The following THOP1 variants were observed in gnomAD, a reference collection of about 807,000 sequenced individuals.
The protein encoded by THOP1 is thimet oligopeptidase 1.
In THOP1, 49 loss-of-function variants were observed where a neutral mutation model predicts 71.8. The observed-to-expected ratio is 0.68, with a 90% CI of 0.54 to 0.87. The LOEUF is 0.87. Among genes scored for constraint, THOP1 ranks in the 40% least tolerant of loss-of-function variants. The pLI is 0.00. For missense variants in THOP1, 843 were observed against 975.6 expected, an observed-to-expected ratio of 0.86 and a Z score of 1.81; for synonymous variants, 426 against 421.5, an observed-to-expected ratio of 1.01 and a Z score of -0.13.
rs1916540390 is a variant in THOP1 at position 2,813,493 on chromosome 19, C to T, written c.*217C>T. ...GCATCTGGAGGGCTTTCGTGGCTGC[C>T]AGGGCCTGGTCTTTGTTGCACTAAC... On this transcript the variant is annotated 3_prime_UTR_variant, in exon 13 of 13. Coordinates refer to ENST00000307741, the MANE Select transcript of THOP1 (RefSeq NM_003249.5). The T allele has an allele frequency of 5.3e-6, 3 of 562,942 alleles. No individual in the cohort carries two copies. In the East Asian group the frequency reaches 8.6e-5, roughly 16 times the overall value. The allele number at this position is 562,942 out of a possible 1,614,324, so 34.9% of individuals were successfully genotyped here. A position where few individuals can be genotyped will look rare whatever the true frequency, so the allele number is the denominator to read the frequency against.
At chr19:2,797,450 G>A (rs1476333015) in intron 4 of THOP1, among the ~76,000 whole-genome samples, 3 of 152,336 alleles carry the variant, frequency 2.0e-5, no homozygotes, top group Admixed American at 6.5e-5. Flanking sequence ...TTCCGAGGCC[G>A]GCCACTTGGG....
chr19:2,787,874 A>G (rs1002345316), intron 1 of THOP1, among the ~76,000 whole-genome samples: 1 of 152,216 alleles, frequency 6.6e-6, no homozygotes, highest in Admixed American at 6.5e-5. Context: ...TCCGGCCCCA[A>G]TGGCCACAGT....
intron 12 of THOP1, chr19:2,811,995 T>C (rs1916488339): frequency 9.7e-6 from 10 of 1,028,432 alleles, no homozygotes; most frequent in Non-Finnish European, 1.4e-5. Flanking sequence ...CTTGGTGCGG[T>C]GCTGCCCACA....
chr19:2,792,604 A>G lies in THOP1; in HGVS notation c.229+1971A>G, dbSNP rs532086824. Reference sequence around the variant, plus strand: ...ATTTGAATTCAGGTCTTTCTGCTGCAAAGTATATGCTTTTTTTTAAAAAAA... The same window carrying G: ...ATTTGAATTCAGGTCTTTCTGCTGCGAAGTATATGCTTTTTTTTAAAAAAA... On this transcript the variant is annotated intron_variant, in intron 2 of 12. Transcript: ENST00000307741. Among the ~76,000 whole-genome samples the G allele has an allele frequency of 9.2e-5, 14 of 152,120 alleles. No homozygotes were observed. The South Asian group carries it at 2.7e-3, about 29-fold the overall frequency.
Position 2,807,843 on chromosome 19 carries a change from C to T in THOP1, c.1253+35C>T, listed in dbSNP as rs112809448. The T allele has an allele frequency of 1.4e-4, 195 of 1,425,680 alleles. No homozygotes were observed. In the East Asian group the frequency reaches 1.4e-3, roughly 10 times the overall value. The allele number at this position is 1,425,680 out of a possible 1,614,324, so 88.3% of individuals were successfully genotyped here. ...GGCAGCGGGGGCGGGGGGCGCACCC[C>T]GGCCCTGGGTCTCCTCGGAGCCCGG... On this transcript the variant is annotated intron_variant, in intron 8 of 12. Coordinates refer to ENST00000307741, the MANE Select transcript of THOP1 (RefSeq NM_003249.5).
At chr19:2,810,526 CGGG>C in intron 10 of THOP1, 36 bp downstream of exon 10, 3 of 1,532,536 alleles carry the variant, frequency 2.0e-6, no homozygotes, top group Non-Finnish European at 2.6e-6. Flanking sequence ...GTGCTAACCT[CGGG>C]GGGCGGCACA....
rs184584258 is a variant in THOP1 at position 2,809,957 on chromosome 19, C to T, written c.1456-347C>T. ...ACACGAGCAGGGAGATGCAGCATGC[C>T]TCACAGCGTCCCCACCCGGACCTGG... On this transcript the variant is annotated intron_variant, in intron 9 of 12. Coordinates refer to ENST00000307741, the MANE Select transcript of THOP1 (RefSeq NM_003249.5). 355 of 355,858 alleles carry T rather than the reference C, an allele frequency of 1.0e-3. 2 individuals carry two copies. The highest frequency in any genetic ancestry group is 5.1e-3 in the Admixed American group (115 of 22,664). 22.0% of individuals were successfully genotyped at this position (355,858 alleles called of 1,614,324 possible).
At chr19:2,800,507 A>G (rs75870766) in intron 5 of THOP1, among the ~76,000 whole-genome samples, 1,976 of 152,330 alleles carry the variant, frequency 0.013, 20 homozygotes, top group Middle Eastern at 0.027. Flanking sequence ...GATGGGTGCT[A>G]TAGAATATAA....
chr19:2,811,466 G>A (rs1599533878), intron 11 of THOP1, 132 bp from the exon 12 acceptor site: 11 of 1,256,206 alleles, frequency 8.8e-6, no homozygotes, highest in Non-Finnish European at 9.6e-6. Context: ...AGCTGGTCTC[G>A]GCCCTCACCG....
chr19:2,800,238 T>G (rs1916114965), intron 5 of THOP1, among the ~76,000 whole-genome samples: 1 of 152,202 alleles, frequency 6.6e-6, no homozygotes, highest in African/African-American at 2.4e-5. Flanking sequence ...CAGGCTGGAG[T>G]GCAGTGGTGC....
At chr19:2,790,373 C>T in intron 1 of THOP1, 48 bp from the exon 2 acceptor site, 1 of 1,479,862 alleles carries the variant, frequency 6.8e-7, no homozygotes, top group Admixed American at 2.4e-5. Context: ...TTGACCCTAA[C>T]TGAACCGAAA....
At position 2,813,384 on chromosome 19, in the gene THOP1, G is replaced by T. The variant is rs1391144648; in HGVS notation, c.*108G>T. Reference sequence around the variant, plus strand: ...CTGGCACAGTGCCTGGGACTGGCAGGGTGGCTGAGCGGCTGTCTTGCCTCT... The same window carrying T: ...CTGGCACAGTGCCTGGGACTGGCAGTGTGGCTGAGCGGCTGTCTTGCCTCT... On this transcript the variant is annotated 3_prime_UTR_variant, in exon 13 of 13. Transcript: ENST00000307741. The T allele has an allele frequency of 3.8e-6, 5 of 1,333,282 alleles. No homozygotes were observed. Among genetic ancestry groups the T allele is most frequent in the Admixed American group, 5.5e-5 (2 of 36,640 alleles). 82.6% of individuals were successfully genotyped at this position (1,333,282 alleles called of 1,614,324 possible).
chr19:2,790,645 G>C lies in THOP1; in HGVS notation c.229+12G>C, dbSNP rs773779835. The C allele has an allele frequency of 2.6e-6, 4 of 1,530,732 alleles. No homozygotes were observed. The highest frequency in any genetic ancestry group is 3.5e-6 in the Non-Finnish European group (4 of 1,138,928). 94.8% of individuals were successfully genotyped at this position (1,530,732 alleles called of 1,614,324 possible). On this transcript the variant is annotated intron_variant, in intron 2 of 12. Coordinates refer to ENST00000307741, the MANE Select transcript of THOP1 (RefSeq NM_003249.5). The stretch of plus-strand genomic sequence containing the variant: ...GGTCACCTACACAGGTAAGTCCCAG[G>C]CAGGGTCTGTGCGTGGGCCGCAGGT...
In THOP1 at chr19:2,804,921, C is replaced by T. The variant is rs1568323755; in HGVS notation, c.590-95C>T. 1 of 1,328,544 alleles carries T rather than the reference C, an allele frequency of 7.5e-7. No homozygotes were observed. Among genetic ancestry groups the T allele is most frequent in the South Asian group, 1.5e-5 (1 of 66,062 alleles). The allele number at this position is 1,328,544 out of a possible 1,614,324, so 82.3% of individuals were successfully genotyped here. On this transcript the variant is annotated intron_variant, in intron 5 of 12. Coordinates refer to ENST00000307741, the MANE Select transcript of THOP1 (RefSeq NM_003249.5). This position sits in a 1 kb window ranked among gnomAD's most constrained non-coding sequence, Gnocchi z 4.7. ...CGCTGAGGGCCCCCTTGTAGCTTTC[C>T]AGGCAGAGGGGAAGCCCACCCCTTC...
At chr19:2,802,788 A>G (rs1025899358) in intron 5 of THOP1, among the ~76,000 whole-genome samples, 1 of 151,984 alleles carries the variant, frequency 6.6e-6, no homozygotes. Flanking sequence ...GTGACTCCGA[A>G]CCTTCCCTCC....
At chr19:2,812,260 G>A (rs1241009539) in intron 12 of THOP1, 1 of 1,535,308 alleles carries the variant, frequency 6.5e-7, no homozygotes, top group Non-Finnish European at 8.7e-7. Context: ...CTGACTTGGT[G>A]TGACCCAGGC....
chr19:2,801,294 C>T lies in THOP1; in HGVS notation c.589+1503C>T, dbSNP rs1169517737. 1.3e-5 allele frequency among the ~76,000 whole-genome samples: 2 copies of T among 152,196 alleles called. No individual in the cohort carries two copies. The highest frequency in any genetic ancestry group is 2.9e-5 in the Non-Finnish European group (2 of 68,044). Reference sequence around the variant, plus strand: ...TCTGCTGGCTCATGTGGGTTCCAGCCGGTTTCAGCCAGTTTTGTTCTTGTC... The same window carrying T: ...TCTGCTGGCTCATGTGGGTTCCAGCTGGTTTCAGCCAGTTTTGTTCTTGTC... On this transcript the variant is annotated intron_variant, in intron 5 of 12. Coordinates refer to ENST00000307741, the MANE Select transcript of THOP1 (RefSeq NM_003249.5). The surrounding 1 kb of genome is among the most constrained non-coding windows in gnomAD (Gnocchi z 5.1).
intron 12 of THOP1, 69 bp downstream of exon 12, chr19:2,811,803 G>A: frequency 6.5e-7 from 1 of 1,546,130 alleles, no homozygotes; most frequent in Non-Finnish European, 8.7e-7. Flanking sequence ...GGACAGGGAG[G>A]GCGTCCTGAA....
chr19:2,812,088 A>G, intron 12 of THOP1: 1 of 1,324,208 alleles, frequency 7.6e-7, no homozygotes. Flanking sequence ...GTGTCTTCCC[A>G]TACGAGTCCT....
Sources: gnomAD v4.1 joint callset for allele counts (sites outside exome capture counted in the v4.1 genomes callset) on GRCh38, gnomAD v4.1.1 for gene constraint, Gnocchi (gnomAD v3.1) non-coding constraint, MANE v1.5 for transcripts, NCBI Gene and HGNC (gene_info 2026-07-23, HGNC 2026-07-21) for gene names.